The following GPSM1 variants were observed in gnomAD, a reference collection of about 807,000 sequenced individuals.
GPSM1 encodes G protein-signaling modulator 1.
In GPSM1, 48 loss-of-function variants were observed where a neutral mutation model predicts 70.5. The observed-to-expected ratio is 0.68, with a 90% CI of 0.54 to 0.87. The LOEUF is 0.87. Among genes scored for constraint, GPSM1 ranks in the 40% least tolerant of loss-of-function variants. GPSM1 has a pLI of 0.00. For synonymous variants in GPSM1, 416 were observed against 430.1 expected, an observed-to-expected ratio of 0.97 and a Z score of 0.41; for missense variants, 981 against 972.6, an observed-to-expected ratio of 1.01 and a Z score of -0.11.
intron 2 of GPSM1, among the ~76,000 whole-genome samples, chr9:136,335,712 TGCAGCCTGTGTGGTGATGGGCA>T (rs1471100929): frequency 1.3e-5 from 2 of 152,190 alleles, no homozygotes; most frequent in Admixed American, 6.5e-5. Context: ...GGCACCTGTG[TGCAGCCTGTGTGGTGATGGGCA>T]GGAGCCTGTG....
chr9:136,353,563 T>C (rs1287568175), intron 11 of GPSM1, among the ~76,000 whole-genome samples: 4 of 152,018 alleles, frequency 2.6e-5, no homozygotes, highest in East Asian at 2.0e-4. Context: ...CCTGCCCCCA[T>C]GTGAGGGAGG....
rs1047572500 is a variant in GPSM1 at position 136,359,454 on chromosome 9, T to C, written c.*1234T>C. Reference sequence around the variant, plus strand: ...CAGGGACAGGTGCCCGAACACAGGGTCTCCAGGACGTAGCGCCCCCCCGCA... The same window carrying C: ...CAGGGACAGGTGCCCGAACACAGGGCCTCCAGGACGTAGCGCCCCCCCGCA... On this transcript the variant is annotated 3_prime_UTR_variant, in exon 14 of 14. Coordinates refer to ENST00000440944, the MANE Select transcript of GPSM1 (RefSeq NM_001145638.3). 1.3e-5 allele frequency: 2 copies of C among 152,206 alleles called. No individual in the cohort carries two copies. The highest frequency in any genetic ancestry group is 2.9e-5 in the Non-Finnish European group (2 of 68,020). The allele number at this position is 152,206 out of a possible 1,614,324, so 9.4% of individuals were successfully genotyped here.
At position 136,341,820 on chromosome 9, in the gene GPSM1, T is replaced by G; in HGVS notation, c.1207+827T>G. On this transcript the variant is annotated intron_variant, in intron 9 of 13. Coordinates refer to ENST00000440944, the MANE Select transcript of GPSM1 (RefSeq NM_001145638.3). This position sits in a 1 kb window ranked among gnomAD's most constrained non-coding sequence, Gnocchi z 6.7. The stretch of plus-strand genomic sequence containing the variant: ...CTTTTTCTTATCTTATTTTTAATAA[T>G]TAAATGTTTTTATAGAGATAGGGCC... 2.1e-6 allele frequency: 2 copies of G among 967,772 alleles called. No homozygotes were observed. The highest frequency in any genetic ancestry group is 2.5e-6 in the Non-Finnish European group (2 of 813,814). The allele number at this position is 967,772 out of a possible 1,614,324, so 59.9% of individuals were successfully genotyped here. A position where few individuals can be genotyped will look rare whatever the true frequency, so the allele number is the denominator to read the frequency against.
In GPSM1 at chr9:136,353,642, G is replaced by A. The variant is rs544641691; in HGVS notation, c.1456-2048G>A. On this transcript the variant is annotated intron_variant, in intron 11 of 13. Transcript: ENST00000440944. The stretch of plus-strand genomic sequence containing the variant: ...GGCTGCCCGACATAGGACCCTGAGA[G>A]GGGCTCTGCCATGGGGCCTGGGACA... 5.3e-5 allele frequency among the ~76,000 whole-genome samples: 8 copies of A among 152,330 alleles called. No individual in the cohort carries two copies. The East Asian group carries it at 7.7e-4, about 15-fold the overall frequency.
chr9:136,348,307 G>C (rs899667609), intron 9 of GPSM1, among the ~76,000 whole-genome samples: 1 of 152,180 alleles, frequency 6.6e-6, no homozygotes, highest in Admixed American at 6.5e-5. Flanking sequence ...CCCTCAGGAG[G>C]GGGGATTGGG....
At chr9:136,354,948 G>GA (rs1774438750) in intron 11 of GPSM1, 1 of 1,037,332 alleles carries the variant, frequency 9.6e-7, no homozygotes, top group African/African-American at 1.7e-5. Flanking sequence ...CCCAGGGCAG[G>GA]TGACGGACAG....
At chr9:136,357,941 C>T (rs1832881269) in intron 13 of GPSM1, 73 bp from the exon 14 acceptor site, 1 of 1,225,390 alleles carries the variant, frequency 8.2e-7, no homozygotes, top group Non-Finnish European at 1.2e-6. Flanking sequence ...GCCTCTGGAA[C>T]CACCGCTGCT....
At position 136,337,062 on chromosome 9, in the gene GPSM1, G is replaced by A. The variant is rs781953683; in HGVS notation, c.568G>A (p.Glu190Lys). ...DVRETLCKAS[E>K]FYERNLSLVK... is the part of the protein sequence containing the mutation. ...CCGAGAGACCCTGTGCAAGGCCTCC[G>A]AGTTCTACGAGTGAGTGGGGCAGGG... The change falls in exon 4 of 14, where the codon GAG (glutamate) becomes AAG (lysine). Residue 190 changes from glutamate (E) to lysine (K), a missense_variant. Coordinates refer to ENST00000440944, the MANE Select transcript of GPSM1 (RefSeq NM_001145638.3). 28 of 1,550,936 alleles carry A rather than the reference G, an allele frequency of 1.8e-5. No individual in the cohort carries two copies. The highest frequency in any genetic ancestry group is 5.9e-5 in the Admixed American group (3 of 51,034).
intron 6 of GPSM1, 64 bp downstream of exon 6, chr9:136,338,025 G>C: frequency 1.9e-6 from 2 of 1,059,498 alleles, no homozygotes; most frequent in Non-Finnish European, 2.8e-6. Context: ...CCAGGCCAAG[G>C]AAGTGCCCGC....
chr9:136,345,089 G>A (rs1832489134), intron 9 of GPSM1, among the ~76,000 whole-genome samples: 1 of 152,208 alleles, frequency 6.6e-6, no homozygotes, highest in South Asian at 2.1e-4. Context: ...AAGGAACCGT[G>A]GGCAGCTGAA....
rs111674538 is a variant in GPSM1, at chr9:136,351,578, A to G, written c.1455+1815A>G. On this transcript the variant is annotated intron_variant, in intron 11 of 13. Transcript: ENST00000440944. ...GGGCTTCCAGGCTTCACGTCACCCC[A>G]ACAAACTGCCCTGGGTCTGGGCCAG... 4.7e-3 allele frequency among the ~76,000 whole-genome samples: 713 copies of G among 152,128 alleles called. 4 individuals are homozygous for G. Among genetic ancestry groups the G allele is most frequent in the African/African-American group, 0.016 (666 of 41,504 alleles).
In GPSM1 at chr9:136,337,853, C is replaced by T. The variant is rs1554769556; in HGVS notation, c.710C>T (p.Ala237Val). 2 of 1,610,284 alleles carry T rather than the reference C, an allele frequency of 1.2e-6. No homozygotes were observed. The highest frequency in any genetic ancestry group is 2.2e-5 in the East Asian group (1 of 44,866). ...TCCGGTGTGTCTCCGCAGCGCCTGG[C>T]CATTGCTAAGGAGTTTGGAGACAAG... is the stretch of plus-strand genomic sequence containing the variant. ...EATTFHKERL[A>V]IAKEFGDKAA... The change falls in exon 6 of 14, where the codon GCC becomes GTC. Residue 237 changes from alanine (A) to valine (V), a missense_variant. By Grantham distance (64) the Ala-to-Val change is moderately conservative. Coordinates refer to ENST00000440944, the MANE Select transcript of GPSM1 (RefSeq NM_001145638.3).
rs1554770645 is a variant in GPSM1 at position 136,343,242 on chromosome 9, C to G, written c.1207+2249C>G. ...AGGGCACAGGCCCGGGCCTCCCACACTTGCTCCTGGGCTGCCCACCCCCCA... is the reference window on the plus strand; with the variant it reads ...AGGGCACAGGCCCGGGCCTCCCACAGTTGCTCCTGGGCTGCCCACCCCCCA... On this transcript the variant is annotated intron_variant, in intron 9 of 13. Transcript: ENST00000440944. The surrounding 1 kb of genome is among the most constrained non-coding windows in gnomAD (Gnocchi z 6.0). Among the ~76,000 whole-genome samples, 1 of 152,146 alleles carries G rather than the reference C, an allele frequency of 6.6e-6. No homozygotes were observed. Among genetic ancestry groups the G allele is most frequent in the Non-Finnish European group, 1.5e-5 (1 of 68,010 alleles).
rs1176127376 is a variant in GPSM1 at position 136,337,576 on chromosome 9, AG to A, written c.702+15del. On this transcript the variant is annotated intron_variant, in intron 5 of 13. Coordinates refer to ENST00000440944, the MANE Select transcript of GPSM1 (RefSeq NM_001145638.3). ...CCTTCCACAAGGAGGTGAGCCGGGC[AG>A]GGTGACAGGGTGGAGGGGCCGGGCT... 2 of 1,553,148 alleles carry A rather than the reference AG, an allele frequency of 1.3e-6. No individual in the cohort carries two copies. Among genetic ancestry groups the A allele is most frequent in the Non-Finnish European group, 1.7e-6 (2 of 1,148,130 alleles).
chr9:136,356,578 C>T lies in GPSM1; in HGVS notation c.1821+28C>T, dbSNP rs150216604. 740 of 1,544,504 alleles carry T rather than the reference C, an allele frequency of 4.8e-4. 2 individuals are homozygous for T. In the African/African-American group the frequency reaches 9.2e-3, roughly 19 times the overall value. ...GGGCTGCGGCCCTGGGCGGGCGTGG[C>T]TCGCGGCCCCTTTGCCATCCACGTG... is the stretch of plus-strand genomic sequence containing the variant. On this transcript the variant is annotated intron_variant, in intron 13 of 13. Transcript: ENST00000440944.
At chr9:136,348,114 C>T (rs1832566963) in intron 9 of GPSM1, among the ~76,000 whole-genome samples, 1 of 152,166 alleles carries the variant, frequency 6.6e-6, no homozygotes, top group Admixed American at 6.5e-5. Flanking sequence ...GAGACACGGC[C>T]AGTAGGGTGA....
At chr9:136,345,812 T>G (rs1832510025) in intron 9 of GPSM1, among the ~76,000 whole-genome samples, 1 of 151,928 alleles carries the variant, frequency 6.6e-6, no homozygotes, top group South Asian at 2.1e-4. Context: ...CCGAACTGTG[T>G]GGGGTCAGCA....
In GPSM1 at chr9:136,342,474, G is replaced by T. The variant is rs574139423; in HGVS notation, c.1207+1481G>T. On this transcript the variant is annotated intron_variant, in intron 9 of 13. Transcript: ENST00000440944. The surrounding 1 kb of genome is among the most constrained non-coding windows in gnomAD (Gnocchi z 5.5). ...CCCGAGTGCGGGACCCCTTCCAGCC[G>T]GCCGGACGCCTCCTCCCCCAGGGCT... Among the ~76,000 whole-genome samples the T allele has an allele frequency of 2.0e-5, 3 of 152,142 alleles. No homozygotes were observed. The highest frequency in any genetic ancestry group is 2.1e-4 in the South Asian group (1 of 4,836).
chr9:136,338,543 C>A lies in GPSM1; in HGVS notation c.819-12C>A. On this transcript the variant is annotated splice_polypyrimidine_tract_variant and intron_variant, in intron 6 of 13. Coordinates refer to ENST00000440944, the MANE Select transcript of GPSM1 (RefSeq NM_001145638.3). ...CCCTCCTCCTGGGGGCTGACCCTGC[C>A]ACTCTGCACAGGAAGACGCTGCAAC... The A allele has an allele frequency of 6.2e-7, 1 of 1,605,710 alleles. No individual in the cohort carries two copies.
Sources: gnomAD v4.1 joint callset for allele counts (sites outside exome capture counted in the v4.1 genomes callset) on GRCh38, gnomAD v4.1.1 for gene constraint, Gnocchi (gnomAD v3.1) non-coding constraint, MANE v1.5 for transcripts, NCBI Gene and HGNC (gene_info 2026-07-23, HGNC 2026-07-21) for gene names.